FNBP1L: variants seen among roughly 807,000 people sequenced by gnomAD.
FNBP1L encodes formin-binding protein 1-like.
In FNBP1L, 36 loss-of-function variants were observed where a neutral mutation model predicts 91.2. The observed-to-expected ratio is 0.39, with a 90% CI of 0.30 to 0.52. The LOEUF (loss-of-function observed/expected upper bound fraction) is 0.52. FNBP1L is among the 20% of genes least tolerant of loss of function. The pLI, the probability that FNBP1L is intolerant of heterozygous loss-of-function variation, is 0.66. For missense variants in FNBP1L, 571 were observed against 732.1 expected, an observed-to-expected ratio of 0.78 and a Z score of 2.54; for synonymous variants, 242 against 237.0, an observed-to-expected ratio of 1.02 and a Z score of -0.19.
At chr1:93,527,495 C>T (rs1019961976) in intron 5 of FNBP1L, among the ~76,000 whole-genome samples, 1 of 152,124 alleles carries the variant, frequency 6.6e-6, no homozygotes, top group Non-Finnish European at 1.5e-5. Flanking sequence ...TTGAGATCCC[C>T]TGTTTGCTTC....
intron 14 of FNBP1L, among the ~76,000 whole-genome samples, chr1:93,548,741 AG>A (rs1308922253): frequency 6.6e-6 from 1 of 152,130 alleles, no homozygotes; most frequent in African/African-American, 2.4e-5. Flanking sequence ...CCAGTAGAAA[AG>A]GGACAGAGTG....
chr1:93,507,093 A>ACT (rs1670649397), intron 2 of FNBP1L, among the ~76,000 whole-genome samples: 1 of 124,006 alleles, frequency 8.1e-6, no homozygotes, highest in Non-Finnish European at 1.6e-5. Context: ...ACACACACAC[A>ACT]CACACACACA....
chr1:93,458,322 G>T (rs1202622069), intron 1 of FNBP1L, among the ~76,000 whole-genome samples: 1 of 152,040 alleles, frequency 6.6e-6, no homozygotes, highest in African/African-American at 2.4e-5. Context: ...TAGAGATGGG[G>T]TCTTACTGTG....
chr1:93,491,120 T>A (rs1033955652), intron 1 of FNBP1L, among the ~76,000 whole-genome samples: 6 of 151,864 alleles, frequency 4.0e-5, no homozygotes, highest in African/African-American at 1.5e-4. Context: ...TTTTAAAAAA[T>A]TATTTTTTTT....
chr1:93,455,222 C>G (rs548974599), intron 1 of FNBP1L, among the ~76,000 whole-genome samples: 2 of 152,348 alleles, frequency 1.3e-5, no homozygotes, highest in Admixed American at 6.5e-5. Context: ...GCCACCCCAC[C>G]TGGCCTGTTT....
chr1:93,485,853 C>T (rs191382069), intron 1 of FNBP1L, among the ~76,000 whole-genome samples: 298 of 152,122 alleles, frequency 2.0e-3, no homozygotes, highest in African/African-American at 6.8e-3. Context: ...CCTGCCACCA[C>T]GCCTGGCTGA....
rs144928200 is a variant in FNBP1L, at chr1:93,487,359, T to C, written c.25-12109T>C. On this transcript the variant is annotated intron_variant, in intron 1 of 16. Coordinates refer to ENST00000271234, the MANE Select transcript of FNBP1L (RefSeq NM_001164473.3). Reference sequence around the variant, plus strand: ...AAGAAAGCCTGATTTGGATAATCAGTGTAAGTCAAAGTGTTCAAACTGAGT... The same window carrying C: ...AAGAAAGCCTGATTTGGATAATCAGCGTAAGTCAAAGTGTTCAAACTGAGT... Among the ~76,000 whole-genome samples the C allele has an allele frequency of 5.9e-5, 9 of 152,186 alleles. No individual in the cohort carries two copies. In the East Asian group the frequency reaches 7.7e-4, roughly 13 times the overall value.
At chr1:93,497,126 A>AT (rs908106748) in intron 1 of FNBP1L, among the ~76,000 whole-genome samples, 22 of 151,132 alleles carry the variant, frequency 1.5e-4, no homozygotes, top group African/African-American at 4.1e-4. Flanking sequence ...CGCCTGGCTA[A>AT]TTTTTTTTTG....
intron 12 of FNBP1L, among the ~76,000 whole-genome samples, chr1:93,545,046 A>G (rs1212548787): frequency 6.6e-6 from 1 of 152,084 alleles, no homozygotes; most frequent in Non-Finnish European, 1.5e-5. Flanking sequence ...TTTCTGTGTA[A>G]AAACACCTTA....
chr1:93,536,002 C>T (rs1365306652), intron 9 of FNBP1L, among the ~76,000 whole-genome samples: 1 of 151,910 alleles, frequency 6.6e-6, no homozygotes, highest in Non-Finnish European at 1.5e-5. Context: ...TTGACAAGTA[C>T]CATGGTAATG....
rs1668767699 is a variant in FNBP1L at position 93,459,032 on chromosome 1, T to G, written c.24+10727T>G. On this transcript the variant is annotated intron_variant, in intron 1 of 16. Coordinates refer to ENST00000271234, the MANE Select transcript of FNBP1L (RefSeq NM_001164473.3). Reference sequence around the variant, plus strand: ...GCTCACGCCTGTAATCCCAGCACTTTGGGAGGCCAAGGTGGGTGGATCCCT... The same window carrying G: ...GCTCACGCCTGTAATCCCAGCACTTGGGGAGGCCAAGGTGGGTGGATCCCT... 2.0e-5 allele frequency among the ~76,000 whole-genome samples: 3 copies of G among 152,122 alleles called. No homozygotes were observed. In the South Asian group the frequency reaches 6.2e-4, roughly 32 times the overall value.
At chr1:93,448,871 G>C (rs938033599) in intron 1 of FNBP1L, among the ~76,000 whole-genome samples, 2 of 152,168 alleles carry the variant, frequency 1.3e-5, no homozygotes, top group Admixed American at 6.5e-5. Flanking sequence ...GCCCGGCCTC[G>C]GGCCAGCCAG....
intron 10 of FNBP1L, 119 bp downstream of exon 10, chr1:93,536,609 C>A: frequency 2.2e-6 from 2 of 897,618 alleles, no homozygotes; most frequent in Non-Finnish European, 3.0e-6. Flanking sequence ...AAAAACACCA[C>A]AGAATTAAGA....
intron 2 of FNBP1L, among the ~76,000 whole-genome samples, chr1:93,517,185 A>C (rs1366319480): frequency 6.6e-6 from 1 of 151,960 alleles, no homozygotes; most frequent in Non-Finnish European, 1.5e-5. Flanking sequence ...CTGAGACTAC[A>C]GGAGTGCGCC....
intron 9 of FNBP1L, 26 bp downstream of exon 9, chr1:93,534,934 C>A: frequency 6.5e-7 from 1 of 1,543,944 alleles, no homozygotes; most frequent in Non-Finnish European, 8.8e-7. Flanking sequence ...TTCCTATATG[C>A]TAATCAGTTT....
chr1:93,477,786 T>C (rs1669548604), intron 1 of FNBP1L, among the ~76,000 whole-genome samples: 1 of 152,240 alleles, frequency 6.6e-6, no homozygotes, highest in South Asian at 2.1e-4. Context: ...TCAGATGTCC[T>C]ACTATAACCA....
intron 1 of FNBP1L, among the ~76,000 whole-genome samples, chr1:93,495,267 G>C (rs2101721219): frequency 6.6e-6 from 1 of 152,296 alleles, no homozygotes; most frequent in East Asian, 1.9e-4. Context: ...CTTATGTCTA[G>C]ATTGTTTCAA....
chr1:93,524,400 C>G, intron 5 of FNBP1L, 77 bp downstream of exon 5: 1 of 1,029,724 alleles, frequency 9.7e-7, no homozygotes, highest in Non-Finnish European at 1.3e-6. Flanking sequence ...TGCTTCATAT[C>G]TATTTGAGTT....
At chr1:93,524,365 A>C (rs1179723799) in intron 5 of FNBP1L, 42 bp downstream of exon 5, 3 of 1,388,156 alleles carry the variant, frequency 2.2e-6, no homozygotes, top group African/African-American at 1.5e-5. Flanking sequence ...AATCTTGTAG[A>C]CTAGATTAGC....
Sources: allele counts gnomAD v4.1 joint callset (sites outside exome capture counted in the v4.1 genomes callset), GRCh38; gene constraint gnomAD v4.1.1; transcripts MANE v1.5; gene names NCBI Gene and HGNC (gene_info 2026-07-23, HGNC 2026-07-21).